Variants in PUS7 observed in about 807,000 individuals in gnomAD.
PUS7 encodes pseudouridine synthase 7.
In PUS7, 48 loss-of-function variants were observed where a neutral mutation model predicts 79.8. That is an observed-to-expected ratio of 0.60 (90% CI 0.48 to 0.76). PUS7 has a LOEUF of 0.76. PUS7 is among the 30% of genes least tolerant of loss of function. The probability of loss-of-function intolerance (pLI) is 0.00; values close to 1 mark genes in which losing one functional copy is unlikely to be tolerated. For missense variants in PUS7, 729 were observed against 797.6 expected (o/e 0.91, Z 1.04); for synonymous variants, 286 against 272.2 (o/e 1.05, Z -0.50).
intron 6 of PUS7, among the ~76,000 whole-genome samples, chr7:105,492,351 GTCTC>G (rs532164582): frequency 6.6e-4 from 100 of 151,834 alleles, no homozygotes; most frequent in Non-Finnish European, 1.0e-3. Flanking sequence ...TTGAGACGGA[GTCTC>G]TCTCTGTCAC....
chr7:105,469,970 C>G (rs745423906), intron 11 of PUS7, among the ~76,000 whole-genome samples: 15 of 152,242 alleles, frequency 9.9e-5, no homozygotes, highest in Non-Finnish European at 1.9e-4. Context: ...GGCCCGCAGG[C>G]TGCAGGTTGG....
intron 9 of PUS7, among the ~76,000 whole-genome samples, chr7:105,477,195 T>A (rs1006087652): frequency 1.3e-5 from 2 of 152,204 alleles, no homozygotes; most frequent in African/African-American, 4.8e-5. Context: ...TTCTAAGAGT[T>A]TGCATAAGTG....
At chr7:105,516,443 T>C (rs1379631085) in intron 1 of PUS7, among the ~76,000 whole-genome samples, 7 of 148,224 alleles carry the variant, frequency 4.7e-5, no homozygotes, top group Non-Finnish European at 1.1e-4. Context: ...GAAGCTGAAA[T>C]GGAATTTTTT....
chr7:105,464,730 C>G (rs1004616044), intron 13 of PUS7, among the ~76,000 whole-genome samples: 1 of 151,964 alleles, frequency 6.6e-6, no homozygotes, highest in Non-Finnish European at 1.5e-5. Context: ...TTTCCCAGTT[C>G]TCCCATTTGC....
rs113451211 is a variant in PUS7, at chr7:105,512,202, G to C, written c.-32-3658C>G. On this transcript the variant is annotated intron_variant, in intron 1 of 15. Transcript: ENST00000469408. ...TTTGAAAGACAAGAAATTAAATACA[G>C]AAAATGGAAGAAACTGAAACTGGAA... Among the ~76,000 whole-genome samples, 482 of 127,784 alleles carry C rather than the reference G, an allele frequency of 3.8e-3. 5 individuals are homozygous for C. Among genetic ancestry groups the C allele is most frequent in the African/African-American group, 0.013 (450 of 34,912 alleles). 83.8% of individuals were successfully genotyped at this position (127,784 alleles called of 152,430 possible).
chr7:105,519,215 C>CACAGAGAACA, intron 1 of PUS7, among the ~76,000 whole-genome samples: 2 of 151,976 alleles, frequency 1.3e-5, no homozygotes, highest in East Asian at 3.9e-4. Context: ...TTCTTTAGGG[C>CACAGAGAACA]CAGAGCACAG....
intron 5 of PUS7, 25 bp downstream of exon 5, chr7:105,502,395 G>T (rs1042967602): frequency 5.0e-5 from 80 of 1,613,258 alleles, no homozygotes; most frequent in Non-Finnish European, 6.7e-5. Flanking sequence ...TGCCTGGCAG[G>T]AGGAAGCTGC....
In PUS7 at chr7:105,476,327, G is replaced by A. The variant is rs1198276402; in HGVS notation, c.1176-4134C>T. 9.9e-5 allele frequency among the ~76,000 whole-genome samples: 15 copies of A among 152,012 alleles called. No homozygotes were observed. The East Asian group carries it at 2.1e-3, about 22-fold the overall frequency. On this transcript the variant is annotated intron_variant, in intron 9 of 15. Transcript: ENST00000469408. The stretch of plus-strand genomic sequence containing the variant: ...CTGTCATTTCTTTTGGGTATATACT[G>A]AGAAGTGGAATTGCTGGTTCATAAC...
rs35038844 is a variant in PUS7 at position 105,487,474 on chromosome 7, T to C, written c.920+4066A>G. ...GTAGTATCAATTCTTGAATATACGA[T>C]AGACATCCATCTCTAAATTCCACTG... On this transcript the variant is annotated intron_variant, in intron 7 of 15. Transcript: ENST00000469408. Among the ~76,000 whole-genome samples, 948 of 152,340 alleles carry C rather than the reference T, an allele frequency of 6.2e-3. 18 individuals carry two copies. Among genetic ancestry groups the C allele is most frequent in the East Asian group, 0.044 (230 of 5,194 alleles).
At chr7:105,482,981 T>C (rs1243801219) in intron 7 of PUS7, among the ~76,000 whole-genome samples, 1 of 152,186 alleles carries the variant, frequency 6.6e-6, no homozygotes, top group Non-Finnish European at 1.5e-5. Context: ...CTTTCTTTTT[T>C]TAAAAGACAT....
intron 1 of PUS7, among the ~76,000 whole-genome samples, chr7:105,520,986 C>A (rs1826085897): frequency 6.6e-6 from 1 of 151,758 alleles, no homozygotes; most frequent in South Asian, 2.1e-4. Flanking sequence ...CCAGCCTGGG[C>A]AACAAGAGCA....
At position 105,508,252 on chromosome 7, in the gene PUS7, A is replaced by T; in HGVS notation, c.261T>A (p.Asp87Glu). The T allele has an allele frequency of 6.2e-7, 1 of 1,614,098 alleles. No individual in the cohort carries two copies. Among genetic ancestry groups the T allele is most frequent in the Non-Finnish European group, 8.5e-7 (1 of 1,179,998 alleles). ...QLEDEEEEEE[D>E]GLSEECEEEE... ...CCTCCTCGCACTCCTCTGAAAGTCC[A>T]TCTTCCTCCTCTTCTTCCTCATCTT... Residue 87 changes from aspartate to glutamate, a missense_variant, in exon 2 of 16, where the codon GAT (aspartate) becomes GAA (glutamate). Physicochemically the swap from Asp to Glu is conservative, Grantham distance 45. Transcript: ENST00000469408.
At chr7:105,510,383 TA>T (rs904147490) in intron 1 of PUS7, among the ~76,000 whole-genome samples, 2 of 151,862 alleles carry the variant, frequency 1.3e-5, no homozygotes, top group African/African-American at 4.8e-5. Flanking sequence ...CATACCACAT[TA>T]AAAAAAAGGA....
intron 6 of PUS7, among the ~76,000 whole-genome samples, chr7:105,492,725 T>C (rs1281424923): frequency 6.6e-6 from 1 of 151,848 alleles, no homozygotes; most frequent in Non-Finnish European, 1.5e-5. Flanking sequence ...GCCGGGATGG[T>C]CTCGATCTCC....
At chr7:105,475,716 C>T (rs796534741) in intron 9 of PUS7, among the ~76,000 whole-genome samples, 63 of 152,124 alleles carry the variant, frequency 4.1e-4, no homozygotes, top group African/African-American at 1.5e-3. Flanking sequence ...ACCTTTTTGG[C>T]TATTTTTAAG....
chr7:105,470,857 G>A lies in PUS7; in HGVS notation c.1238-9C>T. 2 of 1,564,604 alleles carry A rather than the reference G, an allele frequency of 1.3e-6. No homozygotes were observed. The highest frequency in any genetic ancestry group is 1.7e-6 in the Non-Finnish European group (2 of 1,149,020). ...CAAGTAGCCCTTTTCAGCTGCGGGG[G>A]GAAAAAGCTAGGGTTAAATGACTTA... On this transcript the variant is annotated splice_polypyrimidine_tract_variant and intron_variant, in intron 10 of 15. Coordinates refer to ENST00000469408, the MANE Select transcript of PUS7 (RefSeq NM_019042.5).
In PUS7 at chr7:105,508,259, T is replaced by C. The variant is rs750914062; in HGVS notation, c.254A>G (p.Glu85Gly). Residue 85 changes from glutamate (E) to glycine (G), a missense_variant, in exon 2 of 16, where the codon GAG (glutamate) becomes GGG (glycine). Physicochemically the swap from Glu to Gly is moderately conservative, Grantham distance 98. Transcript: ENST00000469408. ...GCACTCCTCTGAAAGTCCATCTTCC[T>C]CCTCTTCTTCCTCATCTTCCAACTG... ...EAQLEDEEEE[E>G]EDGLSEECEE... 4 of 1,614,064 alleles carry C rather than the reference T, an allele frequency of 2.5e-6. No homozygotes were observed. Among genetic ancestry groups the C allele is most frequent in the Non-Finnish European group, 3.4e-6 (4 of 1,180,032 alleles).
intron 7 of PUS7, among the ~76,000 whole-genome samples, chr7:105,488,930 C>T (rs1277534100): frequency 6.6e-6 from 1 of 151,952 alleles, no homozygotes; most frequent in Non-Finnish European, 1.5e-5. Context: ...GGGTGGATCA[C>T]GAGGTCAGGA....
chr7:105,519,779 G>C (rs1029271611), intron 1 of PUS7, among the ~76,000 whole-genome samples: 1 of 152,202 alleles, frequency 6.6e-6, no homozygotes, highest in African/African-American at 2.4e-5. Flanking sequence ...AAGGGGCTGA[G>C]AGTAAGAGGG....
Sources: allele counts gnomAD v4.1 joint callset (sites outside exome capture counted in the v4.1 genomes callset), GRCh38; gene constraint gnomAD v4.1.1; transcripts MANE v1.5; gene names NCBI Gene and HGNC (gene_info 2026-07-23, HGNC 2026-07-21).